Variants in JAK1 observed in about 807,000 individuals in gnomAD.
JAK1 encodes Janus kinase 1.
Under a neutral mutation model 136.6 loss-of-function variants are expected in JAK1, and 16 were observed. The observed-to-expected ratio is 0.12, with a 90% CI of 0.08 to 0.18. The LOEUF is 0.18. JAK1 is among the 10% of genes least tolerant of loss of function. The probability of loss-of-function intolerance (pLI) is 1.00; values close to 1 mark genes in which losing one functional copy is unlikely to be tolerated. For synonymous variants in JAK1, 492 were observed against 519.5 expected, an observed-to-expected ratio of 0.95 and a Z score of 0.72; for missense variants, 859 against 1,450.1, an observed-to-expected ratio of 0.59 and a Z score of 6.62.
At chr1:64,960,872 T>C (rs1557727939) in intron 1 of JAK1, among the ~76,000 whole-genome samples, 1 of 152,206 alleles carries the variant, frequency 6.6e-6, no homozygotes, top group East Asian at 1.9e-4. Context: ...GGCTTGATGA[T>C]CATTACCAAT....
chr1:64,900,566 G>C (rs1645089129), intron 1 of JAK1, among the ~76,000 whole-genome samples: 1 of 152,138 alleles, frequency 6.6e-6, no homozygotes, highest in East Asian at 1.9e-4. Flanking sequence ...TCCACTTGGG[G>C]AGCAAGCCCT....
rs542110890 is a variant in JAK1 at position 64,998,523 on chromosome 1, G to A, written c.-78+45957C>T. ...ACAACAGGAAACTGAAGTAATCTCTGGCCGTAAGATTAGTATTAAAGCCAT... is the reference window on the plus strand; with the variant it reads ...ACAACAGGAAACTGAAGTAATCTCTAGCCGTAAGATTAGTATTAAAGCCAT... On this transcript the variant is annotated intron_variant, in intron 2 of 25. Transcript: ENST00000671954. Among the ~76,000 whole-genome samples, 5 of 152,268 alleles carry A rather than the reference G, an allele frequency of 3.3e-5. No homozygotes were observed. In the South Asian group the frequency reaches 6.2e-4, roughly 19 times the overall value.
intron 19 of JAK1, among the ~76,000 whole-genome samples, chr1:64,840,963 G>A (rs1654857830): frequency 6.6e-6 from 1 of 152,132 alleles, no homozygotes; most frequent in South Asian, 2.1e-4. Context: ...CTTCTGTCCT[G>A]TAGAGAAAAC....
chr1:65,050,882 T>C (rs573209500), intron 1 of JAK1, among the ~76,000 whole-genome samples: 2 of 152,326 alleles, frequency 1.3e-5, no homozygotes, highest in African/African-American at 4.8e-5. Flanking sequence ...ACTGGGAGCC[T>C]GAGAGCCTCC....
upstream of JAK1, among the ~76,000 whole-genome samples, chr1:64,968,519 C>T (rs56301536): frequency 0.53 from 81,219 of 151,992 alleles, 25,711 homozygotes; most frequent in Non-Finnish European, 0.72. Flanking sequence ...CTGGGTGTGG[C>T]GGCTCATGCC....
intron 1 of JAK1, among the ~76,000 whole-genome samples, chr1:64,920,553 C>G (rs1177439897): frequency 6.6e-6 from 1 of 152,064 alleles, no homozygotes; most frequent in African/African-American, 2.4e-5. Flanking sequence ...TAAACTAATC[C>G]AAGACTAGAC....
chr1:64,896,855 C>T (rs529424487), intron 1 of JAK1, among the ~76,000 whole-genome samples: 1 of 152,284 alleles, frequency 6.6e-6, no homozygotes, highest in South Asian at 2.1e-4. Flanking sequence ...TGTTCAGGCT[C>T]AGGAAAACCT....
intron 1 of JAK1, among the ~76,000 whole-genome samples, chr1:64,960,510 A>G (rs766569443): frequency 5.3e-5 from 8 of 152,204 alleles, no homozygotes; most frequent in South Asian, 4.1e-4. Context: ...ACTCAGAGGT[A>G]CCATAAATTG....
rs138984344 is a variant in JAK1, at chr1:64,919,363, T to C, written c.-77-33022A>G. 7.5e-3 allele frequency among the ~76,000 whole-genome samples: 1,139 copies of C among 152,322 alleles called. 11 individuals carry two copies. The highest frequency in any genetic ancestry group is 0.026 in the African/African-American group (1,089 of 41,562). ...ACATGAACTCATCGTTTTTTATGGTTGCATAGTATTCCATGGTGTATATGT... is the reference window on the plus strand; with the variant it reads ...ACATGAACTCATCGTTTTTTATGGTCGCATAGTATTCCATGGTGTATATGT... On this transcript the variant is annotated intron_variant, in intron 1 of 24. Transcript: ENST00000342505.
chr1:64,868,593 G>A (rs1003901089), intron 6 of JAK1, among the ~76,000 whole-genome samples: 4 of 152,148 alleles, frequency 2.6e-5, no homozygotes, highest in Admixed American at 2.0e-4. Context: ...GCTGTGATCT[G>A]CTCTAGACTC....
chr1:65,007,295 C>T (rs1646811206), intron 2 of JAK1, among the ~76,000 whole-genome samples: 1 of 152,194 alleles, frequency 6.6e-6, no homozygotes, highest in Non-Finnish European at 1.5e-5. Flanking sequence ...TGTCTTCTCT[C>T]TGTAGGTCTG....
chr1:64,988,932 A>ATATATATATGTATGTG (rs1387680049), intron 2 of JAK1, among the ~76,000 whole-genome samples: 2 of 145,338 alleles, frequency 1.4e-5, no homozygotes, highest in African/African-American at 2.5e-5. Flanking sequence ...ATGTATGTGT[A>ATATATATATGTATGTG]TATATATATG....
intron 1 of JAK1, among the ~76,000 whole-genome samples, chr1:64,910,468 G>C (rs527524778): frequency 3.9e-5 from 6 of 152,226 alleles, no homozygotes; most frequent in Middle Eastern, 3.2e-3. Flanking sequence ...GGGGAAGAGG[G>C]AGATTTGAAA....
At chr1:64,975,005 G>A (rs558684795) in intron 2 of JAK1, among the ~76,000 whole-genome samples, 14 of 151,848 alleles carry the variant, frequency 9.2e-5, no homozygotes, top group Admixed American at 8.5e-4. Flanking sequence ...TGCCTCCCAG[G>A]TTCAAGCAAT....
Position 64,879,158 on chromosome 1 carries a change from A to C in JAK1, c.206-10T>G. 6.2e-7 allele frequency: 1 copy of C among 1,613,678 alleles called. No homozygotes were observed. Among genetic ancestry groups the C allele is most frequent in the Admixed American group, 1.7e-5 (1 of 59,970 alleles). ...CAAAGAGGAGAGATACCTGAGGAAA[A>C]GTAAAAAAACACATCAGAAAATCAA... is the stretch of plus-strand genomic sequence containing the variant. On this transcript the variant is annotated splice_polypyrimidine_tract_variant and intron_variant, in intron 3 of 24. Transcript: ENST00000342505.
chr1:65,045,249 C>T (rs1035623801), intron 1 of JAK1, among the ~76,000 whole-genome samples: 1 of 152,222 alleles, frequency 6.6e-6, no homozygotes, highest in Non-Finnish European at 1.5e-5. Context: ...CATGGCTGAT[C>T]TCTGGCCCAA....
At chr1:64,865,067 G>T in intron 7 of JAK1, 95 bp from the exon 8 acceptor site, 1 of 964,514 alleles carries the variant, frequency 1.0e-6, no homozygotes, top group Non-Finnish European at 1.5e-6. Flanking sequence ...GCAGGGCCTA[G>T]GTCCAAGGAA....
chr1:64,997,774 C>G (rs999382458), intron 2 of JAK1, among the ~76,000 whole-genome samples: 1 of 152,054 alleles, frequency 6.6e-6, no homozygotes. Flanking sequence ...GAGTCCTGGG[C>G]CTCCCTCTTC....
rs1165015581 is a variant in JAK1, at chr1:65,063,833, AAAG to A, written c.-181+3768_-181+3770del. The stretch of plus-strand genomic sequence containing the variant: ...AAAAAAAAAAAAAAAAGAAAGAAAA[AAAG>A]AAAAGAAATTAATTCATAGATGAAA... On this transcript the variant is annotated intron_variant, in intron 1 of 25. Coordinates refer to the JAK1 transcript ENST00000671954. 4.2e-3 allele frequency among the ~76,000 whole-genome samples: 637 copies of A among 151,908 alleles called. 5 individuals are homozygous for A. Among genetic ancestry groups the A allele is most frequent in the African/African-American group, 0.015 (611 of 41,432 alleles).
Sources: gnomAD v4.1 joint callset for allele counts (sites outside exome capture counted in the v4.1 genomes callset) on GRCh38, gnomAD v4.1.1 for gene constraint, MANE v1.5 for transcripts, NCBI Gene and HGNC (gene_info 2026-07-23, HGNC 2026-07-21) for gene names.